Variants in VARS1 observed in about 807,000 individuals in gnomAD.
VARS1 encodes valyl-tRNA synthetase 1.
VARS1 carries 92 observed loss-of-function variants against 161.0 expected under a neutral mutation model. The ratio of observed to expected loss-of-function variants is 0.57; its 90% confidence interval spans 0.48 to 0.68. The LOEUF (loss-of-function observed/expected upper bound fraction) is 0.68. Ranked by LOEUF, VARS1 falls within the 30% of genes least tolerant of loss-of-function variation. The probability of loss-of-function intolerance (pLI) is 0.00; values close to 1 mark genes in which losing one functional copy is unlikely to be tolerated. For synonymous variants in VARS1, 595 were observed against 682.5 expected (o/e 0.87, Z 2.00); for missense variants, 1,338 against 1,695.9 (o/e 0.79, Z 3.71).
intron 8 of VARS1, among the ~76,000 whole-genome samples, chr6:31,788,571 C>A (rs1486251590): frequency 6.6e-6 from 1 of 150,556 alleles, no homozygotes; most frequent in Non-Finnish European, 1.5e-5. Flanking sequence ...CTTTGGGAGG[C>A]CGAGGTGAGC....
In VARS1 at chr6:31,795,378, C is replaced by A; in HGVS notation, c.-33-128G>T. On this transcript the variant is annotated intron_variant, in intron 1 of 29. Coordinates refer to ENST00000375663, the MANE Select transcript of VARS1 (RefSeq NM_006295.3). This position sits in a 1 kb window ranked among gnomAD's most constrained non-coding sequence, Gnocchi z 6.9. Reference sequence around the variant, plus strand: ...AGTCCCATAGGACTGAGGGTCTGACCAGGCAGGCTGTCAGGAGCCGAGGAC... The same window carrying A: ...AGTCCCATAGGACTGAGGGTCTGACAAGGCAGGCTGTCAGGAGCCGAGGAC... 1 of 580,248 alleles carries A rather than the reference C, an allele frequency of 1.7e-6. No individual in the cohort carries two copies. The allele number at this position is 580,248 out of a possible 1,614,324, so 35.9% of individuals were successfully genotyped here.
chr6:31,790,127 A>C (rs1055041613), intron 8 of VARS1, among the ~76,000 whole-genome samples: 50 of 152,080 alleles, frequency 3.3e-4, no homozygotes, highest in African/African-American at 1.1e-3. Context: ...TCGCAAAAAA[A>C]TTCTTAAATG....
chr6:31,777,911 C>T lies in VARS1; in HGVS notation c.3727-249G>A, dbSNP rs758064658. 2.7e-5 allele frequency: 16 copies of T among 588,044 alleles called. No individual in the cohort carries two copies. The highest frequency in any genetic ancestry group is 4.5e-5 in the Non-Finnish European group (15 of 330,064). The allele number at this position is 588,044 out of a possible 1,614,324, so 36.4% of individuals were successfully genotyped here. ...AAGAACAAAGGAACCTCAGAGCCTA[C>T]GTGTTCCCCATTCAGTGTCCCCACC... On this transcript the variant is annotated intron_variant, in intron 29 of 29. Transcript: ENST00000375663. This position sits in a 1 kb window ranked among gnomAD's most constrained non-coding sequence, Gnocchi z 5.8.
rs1474390161 is a variant in VARS1 at position 31,795,405 on chromosome 6, T to C, written c.-34+141A>G. The C allele has an allele frequency of 7.5e-5, 33 of 438,952 alleles. No individual in the cohort carries two copies. The East Asian group carries it at 1.2e-3, about 16-fold the overall frequency. The allele number at this position is 438,952 out of a possible 1,614,324, so 27.2% of individuals were successfully genotyped here. The stretch of plus-strand genomic sequence containing the variant: ...GGCAGGCTGTCAGGAGCCGAGGACC[T>C]GGCTCTCAGAGGGGCAGTGTCAGTG... On this transcript the variant is annotated intron_variant, in intron 1 of 29. Coordinates refer to ENST00000375663, the MANE Select transcript of VARS1 (RefSeq NM_006295.3). The surrounding 1 kb of genome is among the most constrained non-coding windows in gnomAD (Gnocchi z 6.9).
chr6:31,790,627 AAAAAG>A, intron 8 of VARS1, among the ~76,000 whole-genome samples: 1 of 151,106 alleles, frequency 6.6e-6, no homozygotes, highest in East Asian at 1.9e-4. Flanking sequence ...AAAAAAAAAA[AAAAAG>A]AATGACTTCA....
rs1562301271 is a variant in VARS1 at position 31,784,218 on chromosome 6, T to C, written c.1667A>G (p.Tyr556Cys). ...AVAVHPKDTR[Y>C]QHLKGKNVIH... The stretch of plus-strand genomic sequence containing the variant: ...TAACTGTGGACAGTCCCCCACCTGG[T>C]ATCTGGTATCTTTGGGGTGCACAGC... Residue 556 changes from tyrosine to cysteine, a missense_variant, in exon 13 of 30, where the codon TAC becomes TGC. Around this residue, in one of 3 missense-constraint regions of VARS1, gnomAD observed 902 missense variants for 1,090.3 expected, o/e 0.83. Transcript: ENST00000375663. This position sits in a 1 kb window ranked among gnomAD's most constrained non-coding sequence, Gnocchi z 6.1. 1 of 1,614,048 alleles carries C rather than the reference T, an allele frequency of 6.2e-7. No homozygotes were observed. The highest frequency in any genetic ancestry group is 1.3e-5 in the African/African-American group (1 of 74,940).
In VARS1 at chr6:31,791,533, C is replaced by CT. The variant is rs1395195504; in HGVS notation, c.1100+76dup. ...GAGCACCAACCCAGAAGGAGAGAGGCTCGGGGGGCTGTCAGGGAAAAGGAG... is the reference window on the plus strand; with the variant it reads ...GAGCACCAACCCAGAAGGAGAGAGGCTTCGGGGGGCTGTCAGGGAAAAGGAG... On this transcript the variant is annotated intron_variant, in intron 8 of 29. Coordinates refer to ENST00000375663, the MANE Select transcript of VARS1 (RefSeq NM_006295.3). This position sits in a 1 kb window ranked among gnomAD's most constrained non-coding sequence, Gnocchi z 5.0. 7.2e-6 allele frequency: 11 copies of CT among 1,524,812 alleles called. No homozygotes were observed. Among genetic ancestry groups the CT allele is most frequent in the African/African-American group, 1.4e-5 (1 of 72,492 alleles). 94.5% of individuals were successfully genotyped at this position (1,524,812 alleles called of 1,614,324 possible). A position where few individuals can be genotyped will look rare whatever the true frequency, so the allele number is the denominator to read the frequency against.
intron 8 of VARS1, among the ~76,000 whole-genome samples, chr6:31,788,453 T>A (rs536731954): frequency 6.9e-6 from 1 of 144,970 alleles, no homozygotes; most frequent in Non-Finnish European, 1.5e-5. Flanking sequence ...TAAGCGCGCA[T>A]CACTGCACTC....
chr6:31,791,529 G>C lies in VARS1; in HGVS notation c.1100+81C>G. ...AAGTGAGCACCAACCCAGAAGGAGA[G>C]AGGCTCGGGGGGCTGTCAGGGAAAA... On this transcript the variant is annotated intron_variant, in intron 8 of 29. Coordinates refer to ENST00000375663, the MANE Select transcript of VARS1 (RefSeq NM_006295.3). This position sits in a 1 kb window ranked among gnomAD's most constrained non-coding sequence, Gnocchi z 5.0. 6.6e-7 allele frequency: 1 copy of C among 1,518,830 alleles called. No homozygotes were observed. Among genetic ancestry groups the C allele is most frequent in the East Asian group, 2.3e-5 (1 of 43,226 alleles). The allele number at this position is 1,518,830 out of a possible 1,614,324, so 94.1% of individuals were successfully genotyped here. A position where few individuals can be genotyped will look rare whatever the true frequency, so the allele number is the denominator to read the frequency against.
At position 31,793,040 on chromosome 6, in the gene VARS1, G is replaced by A; in HGVS notation, c.468C>T (p.Ala156=). ...LRLHTYLAGE[A]PTLADLAAVT... Reference sequence around the variant, plus strand: ...CAGCCGCCAGGTCAGCCAGAGTGGGGGCCTCCCCGGCCAAGTAGGTGTGCA... The same window carrying A: ...CAGCCGCCAGGTCAGCCAGAGTGGGAGCCTCCCCGGCCAAGTAGGTGTGCA... The change falls in exon 3 of 30, where the codon GCC becomes GCT. Residue 156 remains alanine, a synonymous_variant. Coordinates refer to ENST00000375663, the MANE Select transcript of VARS1 (RefSeq NM_006295.3). 1 of 1,613,058 alleles carries A rather than the reference G, an allele frequency of 6.2e-7. No individual in the cohort carries two copies. The highest frequency in any genetic ancestry group is 8.5e-7 in the Non-Finnish European group (1 of 1,180,020).
intron 13 of VARS1, 85 bp from the exon 14 acceptor site, chr6:31,783,271 G>T: frequency 7.1e-7 from 1 of 1,402,400 alleles, no homozygotes; most frequent in Non-Finnish European, 9.9e-7. Context: ...TTGGGAGGCT[G>T]AGGTGGGCAG....
chr6:31,782,262 C>T lies in VARS1; in HGVS notation c.2150+23G>A. 1 of 1,610,762 alleles carries T rather than the reference C, an allele frequency of 6.2e-7. No individual in the cohort carries two copies. The highest frequency in any genetic ancestry group is 8.5e-7 in the Non-Finnish European group (1 of 1,178,140). On this transcript the variant is annotated intron_variant, in intron 17 of 29. Coordinates refer to ENST00000375663, the MANE Select transcript of VARS1 (RefSeq NM_006295.3). The surrounding 1 kb of genome is among the most constrained non-coding windows in gnomAD (Gnocchi z 8.3). ...CCTGCTCAGCCCTCGGCAAGCCCCTCCCACACTGAGGACCCTACACACCGG... is the reference window on the plus strand; with the variant it reads ...CCTGCTCAGCCCTCGGCAAGCCCCTTCCACACTGAGGACCCTACACACCGG...
chr6:31,784,821 A>T lies in VARS1; in HGVS notation c.1348-107T>A. 1 of 1,527,796 alleles carries T rather than the reference A, an allele frequency of 6.5e-7. No homozygotes were observed. The highest frequency in any genetic ancestry group is 1.4e-5 in the African/African-American group (1 of 72,958). 94.6% of individuals were successfully genotyped at this position (1,527,796 alleles called of 1,614,324 possible). On this transcript the variant is annotated intron_variant, in intron 10 of 29. Transcript: ENST00000375663. This position sits in a 1 kb window ranked among gnomAD's most constrained non-coding sequence, Gnocchi z 6.1. ...TTGCCCATACAGAGTCCCACTGGCCAGCACAAAGACCCCTCTGAGGGGAGT... is the reference window on the plus strand; with the variant it reads ...TTGCCCATACAGAGTCCCACTGGCCTGCACAAAGACCCCTCTGAGGGGAGT...
In VARS1 at chr6:31,791,935, C is replaced by T. The variant is rs767779286; in HGVS notation, c.908G>A (p.Arg303Gln). 63 of 1,603,750 alleles carry T rather than the reference C, an allele frequency of 3.9e-5. No individual in the cohort carries two copies. The highest frequency in any genetic ancestry group is 9.4e-5 in the African/African-American group (7 of 74,718). Residue 303 changes from arginine to glutamine, a missense_variant, in exon 7 of 30, where the codon CGG becomes CAG. Around this residue, in one of 3 missense-constraint regions of VARS1, gnomAD observed 902 missense variants for 1,090.3 expected, o/e 0.83. Coordinates refer to ENST00000375663, the MANE Select transcript of VARS1 (RefSeq NM_006295.3). The surrounding 1 kb of genome is among the most constrained non-coding windows in gnomAD (Gnocchi z 5.0). ...SGPMPDSYSP[R>Q]YVEAAWYPWW... Reference sequence around the variant, plus strand: ...AGGGTACCAGGCAGCCTCCACATACCGAGGGCTGTAGGAGTCGGGCATGGG... The same window carrying T: ...AGGGTACCAGGCAGCCTCCACATACTGAGGGCTGTAGGAGTCGGGCATGGG...
In VARS1 at chr6:31,781,119, T is replaced by C. The variant is rs368315640; in HGVS notation, c.2549A>G (p.Tyr850Cys). Residue 850 changes from tyrosine to cysteine, a missense_variant, in exon 22 of 30, where the codon TAC (tyrosine) becomes TGC (cysteine). Physicochemically the swap from Tyr to Cys is radical, Grantham distance 194. Transcript: ENST00000375663. The surrounding 1 kb of genome is among the most constrained non-coding windows in gnomAD (Gnocchi z 6.8). ...AGCATCTCGCACGATGGCATGGAGG[T>C]AGACCTGCAGAGCAGGTGGGGAGGC... is the stretch of plus-strand genomic sequence containing the variant. The part of the protein sequence containing the change: ...LTGRLPFREV[Y>C]LHAIVRDAHG... 19 of 1,612,790 alleles carry C rather than the reference T, an allele frequency of 1.2e-5. No homozygotes were observed. The highest frequency in any genetic ancestry group is 1.6e-5 in the Non-Finnish European group (19 of 1,180,000).
rs1812853681 is a variant in VARS1 at position 31,777,998 on chromosome 6, T to G, written c.3727-336A>C. The G allele has an allele frequency of 2.4e-6, 1 of 409,804 alleles. No homozygotes were observed. The highest frequency in any genetic ancestry group is 4.5e-6 in the Non-Finnish European group (1 of 223,722). 25.4% of individuals were successfully genotyped at this position (409,804 alleles called of 1,614,324 possible). On this transcript the variant is annotated intron_variant, in intron 29 of 29. Coordinates refer to ENST00000375663, the MANE Select transcript of VARS1 (RefSeq NM_006295.3). This position sits in a 1 kb window ranked among gnomAD's most constrained non-coding sequence, Gnocchi z 5.8. ...CATTTGTCAGATGATGATGATGATA[T>G]TGCCCCCCTCCCAGGGCTCTTGGGA...
In VARS1 at chr6:31,784,389, C is replaced by T; in HGVS notation, c.1576+5G>A. 1 of 1,614,162 alleles carries T rather than the reference C, an allele frequency of 6.2e-7. No homozygotes were observed. Among genetic ancestry groups the T allele is most frequent in the Non-Finnish European group, 8.5e-7 (1 of 1,180,048 alleles). On this transcript the variant is annotated splice_donor_5th_base_variant and intron_variant, in intron 12 of 29. Coordinates refer to ENST00000375663, the MANE Select transcript of VARS1 (RefSeq NM_006295.3). This position sits in a 1 kb window ranked among gnomAD's most constrained non-coding sequence, Gnocchi z 6.1. ...GCCCAGGATCCTGGTGCCCCTGGCT[C>T]CTACCTGAGCCTTGGACCTTATAGG...
At position 31,791,487 on chromosome 6, in the gene VARS1, A is replaced by T; in HGVS notation, c.1100+123T>A. 7.4e-7 allele frequency: 1 copy of T among 1,348,568 alleles called. No individual in the cohort carries two copies. Among genetic ancestry groups the T allele is most frequent in the Non-Finnish European group, 9.9e-7 (1 of 1,008,000 alleles). The allele number at this position is 1,348,568 out of a possible 1,614,324, so 83.5% of individuals were successfully genotyped here. ...AGATTGGAATGACAGAGAGAAGTGT[A>T]GCACCACTGGGGGCAGAAGTGAGCA... On this transcript the variant is annotated intron_variant, in intron 8 of 29. Transcript: ENST00000375663. This position sits in a 1 kb window ranked among gnomAD's most constrained non-coding sequence, Gnocchi z 5.0.
At position 31,778,574 on chromosome 6, in the gene VARS1, A is replaced by G. The variant is rs1215367841; in HGVS notation, c.3726+393T>C. ...GCCCAGGCTCAAGTGCAGTGGCATG[A>G]TCTCGGCTCACTGCAGTCTTGACCT... On this transcript the variant is annotated intron_variant, in intron 29 of 29. Transcript: ENST00000375663. The surrounding 1 kb of genome is among the most constrained non-coding windows in gnomAD (Gnocchi z 5.1). 6.6e-6 allele frequency among the ~76,000 whole-genome samples: 1 copy of G among 151,920 alleles called. No individual in the cohort carries two copies. The highest frequency in any genetic ancestry group is 2.4e-5 in the African/African-American group (1 of 41,316).
Sources: allele counts gnomAD v4.1 joint callset (sites outside exome capture counted in the v4.1 genomes callset), GRCh38; gene constraint gnomAD v4.1.1; regional missense constraint gnomAD v4.1.1; non-coding constraint Gnocchi (gnomAD v3.1); transcripts MANE v1.5; gene names NCBI Gene and HGNC (gene_info 2026-07-23, HGNC 2026-07-21).